ZFPM1: variants seen among roughly 807,000 people sequenced by gnomAD.
ZFPM1 encodes the protein zinc finger protein ZFPM1.
In ZFPM1, 28 loss-of-function variants were observed where a neutral mutation model predicts 46.3. That is an observed-to-expected ratio of 0.60 (90% CI 0.45 to 0.83). The LOEUF is 0.83. ZFPM1 is among the 40% of genes least tolerant of loss of function. The probability of loss-of-function intolerance (pLI) is 0.00; values close to 1 mark genes in which losing one functional copy is unlikely to be tolerated. For missense variants in ZFPM1, 1,878 were observed against 1,432.4 expected, an observed-to-expected ratio of 1.31 and a Z score of -5.02; for synonymous variants, 957 against 675.9, an observed-to-expected ratio of 1.42 and a Z score of -6.45.
chr16:88,533,621 C>T lies in ZFPM1; in HGVS notation c.1663C>T (p.Gln555Ter), dbSNP rs1325808524. Residue 555 changes from glutamine to a stop codon, truncating the protein, a stop_gained, in exon 10 of 10, where the codon CAG becomes TAG. Coordinates refer to ENST00000319555, the MANE Select transcript of ZFPM1 (RefSeq NM_153813.3). LOFTEE classifies it low-confidence loss of function (END_TRUNC). ...GTCCGAGCTGGTGCACAGCCGGCTG[C>T]AGCAGGGCGCGGGCGCGGGCGCCGG... ...KMSELVHSRLQQGAGAGAGGA... is the reference protein window; with the variant it reads ...KMSELVHSRL 2 of 1,472,722 alleles carry T rather than the reference C, an allele frequency of 1.4e-6. No individual in the cohort carries two copies. The highest frequency in any genetic ancestry group is 1.5e-5 in the African/African-American group (1 of 66,956). The allele number at this position is 1,472,722 out of a possible 1,614,324, so 91.2% of individuals were successfully genotyped here.
chr16:88,462,183 C>G (rs1182340156), intron 1 of ZFPM1, among the ~76,000 whole-genome samples: 1 of 152,222 alleles, frequency 6.6e-6, no homozygotes, highest in Non-Finnish European at 1.5e-5. Context: ...CCAGCTTCCC[C>G]TGGGCTGCTG....
At chr16:88,493,100 C>CTGTCCCGGGGTGG (rs1909685184) in intron 3 of ZFPM1, among the ~76,000 whole-genome samples, 1 of 113,760 alleles carries the variant, frequency 8.8e-6, no homozygotes, top group South Asian at 3.3e-4. Context: ...TCCCGGGGTG[C>CTGTCCCGGGGTGG]GGGGAGCTGT....
rs1215444314 is a variant in ZFPM1, at chr16:88,517,218, ATGGATGGATGGGTGGG to A, written c.402+2702_402+2717del. Among the ~76,000 whole-genome samples, 759 of 98,372 alleles carry A rather than the reference ATGGATGGATGGGTGGG, an allele frequency of 7.7e-3. 7 individuals are homozygous for A. Among genetic ancestry groups the A allele is most frequent in the African/African-American group, 0.025 (706 of 27,862 alleles). The allele number at this position is 98,372 out of a possible 152,430, so 64.5% of individuals were successfully genotyped here. ...GATGGATGGATGGATGGATGGATGGATGGATGGATGGGTGGGTGGGTGGGTGGATGGATGGATGGAT... is the reference window on the plus strand; with the variant it reads ...GATGGATGGATGGATGGATGGATGGATGGGTGGGTGGATGGATGGATGGAT... On this transcript the variant is annotated intron_variant, in intron 4 of 9. Transcript: ENST00000319555.
At chr16:88,498,182 C>T (rs1396419345) in intron 3 of ZFPM1, among the ~76,000 whole-genome samples, 16 of 151,578 alleles carry the variant, frequency 1.1e-4, no homozygotes, top group African/African-American at 3.9e-4. Context: ...GAACACGGAC[C>T]CACCTGGGGG....
intron 4 of ZFPM1, among the ~76,000 whole-genome samples, chr16:88,519,114 A>G (rs568243617): frequency 8.0e-4 from 90 of 113,112 alleles, no homozygotes; most frequent in Non-Finnish European, 1.1e-3. Flanking sequence ...GGATGGGTGG[A>G]TGGATGGATG....
chr16:88,462,071 T>C (rs1907920177), intron 1 of ZFPM1, among the ~76,000 whole-genome samples: 1 of 152,198 alleles, frequency 6.6e-6, no homozygotes, highest in Non-Finnish European at 1.5e-5. Context: ...GGGAAGGCAG[T>C]GGTCCTGCTG....
At chr16:88,474,115 G>A (rs757653837) in intron 1 of ZFPM1, among the ~76,000 whole-genome samples, 12 of 152,216 alleles carry the variant, frequency 7.9e-5, no homozygotes, top group African/African-American at 2.2e-4. Flanking sequence ...CTTGGCAGGC[G>A]GCGGCTCCGG....
intron 4 of ZFPM1, among the ~76,000 whole-genome samples, chr16:88,525,709 C>A (rs1368684440): frequency 6.6e-6 from 1 of 152,198 alleles, no homozygotes; most frequent in Non-Finnish European, 1.5e-5. Context: ...CCTCCGTCAC[C>A]ATTTTCTCCC....
rs893760290 is a variant in ZFPM1, at chr16:88,497,791, G to A, written c.268+8638G>A. Among the ~76,000 whole-genome samples the A allele has an allele frequency of 6.6e-6, 1 of 152,188 alleles. No homozygotes were observed. The highest frequency in any genetic ancestry group is 2.4e-5 in the African/African-American group (1 of 41,442). On this transcript the variant is annotated intron_variant, in intron 3 of 9. Coordinates refer to ENST00000319555, the MANE Select transcript of ZFPM1 (RefSeq NM_153813.3). This position sits in a 1 kb window ranked among gnomAD's most constrained non-coding sequence, Gnocchi z 5.4. ...GTCCCGACAGGGCCCGCCCGAGGCT[G>A]GGAATCCTCACCCGAGTGTGTGAGG...
chr16:88,463,510 C>T (rs1364882570), intron 1 of ZFPM1, among the ~76,000 whole-genome samples: 3 of 152,252 alleles, frequency 2.0e-5, no homozygotes, highest in African/African-American at 4.8e-5. Context: ...GCCCCTGCCT[C>T]GCACTAGGCC....
rs1908428767 is a variant in ZFPM1 at position 88,471,661 on chromosome 16, C to T, written c.41-14278C>T. Among the ~76,000 whole-genome samples the T allele has an allele frequency of 6.6e-6, 1 of 152,044 alleles. No individual in the cohort carries two copies. Among genetic ancestry groups the T allele is most frequent in the South Asian group, 2.1e-4 (1 of 4,818 alleles). ...GTCAGGGCCCCAAGATGACCGTGGC[C>T]GCGGTGGCTCCCACACACAGTGGAG... On this transcript the variant is annotated intron_variant, in intron 1 of 9. Coordinates refer to ENST00000319555, the MANE Select transcript of ZFPM1 (RefSeq NM_153813.3). The surrounding 1 kb of genome is among the most constrained non-coding windows in gnomAD (Gnocchi z 4.1).
intron 1 of ZFPM1, among the ~76,000 whole-genome samples, chr16:88,460,286 G>A (rs991982662): frequency 2.6e-5 from 4 of 152,294 alleles, no homozygotes; most frequent in Non-Finnish European, 2.9e-5. Context: ...GGCAGGGCCC[G>A]GAGAGCAGTG....
intron 4 of ZFPM1, among the ~76,000 whole-genome samples, chr16:88,524,421 T>C (rs903643548): frequency 2.6e-5 from 4 of 152,180 alleles, no homozygotes; most frequent in African/African-American, 9.7e-5. Flanking sequence ...TCCTGAGCCC[T>C]GCTCTGCGGC....
chr16:88,485,936 C>T lies in ZFPM1; in HGVS notation c.41-3C>T, dbSNP rs74578834. 1.1e-5 allele frequency: 18 copies of T among 1,612,728 alleles called. No individual in the cohort carries two copies. In the East Asian group the frequency reaches 3.6e-4, roughly 32 times the overall value. On this transcript the variant is annotated splice_polypyrimidine_tract_variant and splice_region_variant and intron_variant, in intron 1 of 9. Coordinates refer to ENST00000319555, the MANE Select transcript of ZFPM1 (RefSeq NM_153813.3). ...CCGAACCCCCATCGTCTTGTGTCCACAGGTTCCCTCGGAGACATGGAGGCC... is the reference window on the plus strand; with the variant it reads ...CCGAACCCCCATCGTCTTGTGTCCATAGGTTCCCTCGGAGACATGGAGGCC...
chr16:88,489,691 G>A (rs1909448096), intron 3 of ZFPM1, among the ~76,000 whole-genome samples: 1 of 152,226 alleles, frequency 6.6e-6, no homozygotes. Flanking sequence ...CCTAGAGGGT[G>A]GTTTGGTGAC....
chr16:88,498,130 C>A (rs1411546438), intron 3 of ZFPM1, among the ~76,000 whole-genome samples: 1 of 152,032 alleles, frequency 6.6e-6, no homozygotes, highest in Non-Finnish European at 1.5e-5. Flanking sequence ...AGAGACCAGA[C>A]CCAGTGCTGG....
chr16:88,514,141 C>A (rs1048750302), intron 3 of ZFPM1, among the ~76,000 whole-genome samples: 3 of 152,194 alleles, frequency 2.0e-5, no homozygotes, highest in African/African-American at 7.2e-5. Context: ...CATCGCAGGG[C>A]TCACAGCTCG....
intron 2 of ZFPM1, among the ~76,000 whole-genome samples, chr16:88,487,716 AC>A (rs1909312399): frequency 6.6e-6 from 1 of 151,984 alleles, no homozygotes; most frequent in African/African-American, 2.4e-5. Flanking sequence ...AGCAGGCCTC[AC>A]CCCCATCTGC....
At chr16:88,479,854 T>G (rs894209123) in intron 1 of ZFPM1, among the ~76,000 whole-genome samples, 5 of 12,044 alleles carry the variant, frequency 4.2e-4, no homozygotes, top group East Asian at 3.8e-3. Flanking sequence ...CGTCCCTCCC[T>G]CCCCCCCGCT....
Sources: gnomAD v4.1 joint callset for allele counts (sites outside exome capture counted in the v4.1 genomes callset) on GRCh38, gnomAD v4.1.1 for gene constraint, Gnocchi (gnomAD v3.1) non-coding constraint, MANE v1.5 for transcripts, NCBI Gene and HGNC (gene_info 2026-07-23, HGNC 2026-07-21) for gene names.